CNTN5: variants seen among roughly 807,000 people sequenced by gnomAD.
CNTN5 encodes the protein contactin-5.
In CNTN5, 77 loss-of-function variants were observed where a neutral mutation model predicts 129.1. That is an observed-to-expected ratio of 0.60 (90% CI 0.50 to 0.72). CNTN5 has a LOEUF of 0.72. CNTN5 is among the 30% of genes least tolerant of loss of function. CNTN5 has a pLI of 0.00. For synonymous variants in CNTN5, 509 were observed against 465.6 expected (o/e 1.09, Z -1.20); for missense variants, 1,478 against 1,328.8 (o/e 1.11, Z -1.75).
rs372823653 is a variant in CNTN5 at position 100,099,764 on chromosome 11, C to T, written c.1580+25470C>T. On this transcript the variant is annotated intron_variant, in intron 13 of 24. Transcript: ENST00000524871. ...AGAATTCATCATTATCTCCTCTGAG[C>T]TCCTGGGAGACTTGGCCCATATTTT... Among the ~76,000 whole-genome samples the T allele has an allele frequency of 4.6e-5, 7 of 152,070 alleles. No homozygotes were observed. The East Asian group carries it at 1.2e-3, about 25-fold the overall frequency.
At chr11:99,259,949 CA>C (rs1169660561) in intron 1 of CNTN5, among the ~76,000 whole-genome samples, 1 of 151,648 alleles carries the variant, frequency 6.6e-6, no homozygotes, top group East Asian at 1.9e-4. Context: ...AACCTTTTAT[CA>C]TTTTTTCACT....
At chr11:99,858,017 C>T (rs1276187949) in intron 6 of CNTN5, among the ~76,000 whole-genome samples, 1 of 151,976 alleles carries the variant, frequency 6.6e-6, no homozygotes, top group Admixed American at 6.5e-5. Flanking sequence ...CCCAGTGCCA[C>T]TGCCATAATT....
intron 1 of CNTN5, among the ~76,000 whole-genome samples, chr11:99,257,397 G>A (rs911694791): frequency 2.0e-5 from 3 of 151,894 alleles, no homozygotes; most frequent in African/African-American, 4.8e-5. Flanking sequence ...TGTTTTTATT[G>A]CTCTTTTTAC....
intron 16 of CNTN5, among the ~76,000 whole-genome samples, chr11:100,230,804 C>G (rs1325105979): frequency 1.3e-5 from 2 of 152,188 alleles, no homozygotes; most frequent in Non-Finnish European, 2.9e-5. Context: ...CATTTTGAAA[C>G]AAATATTCTG....
chr11:100,093,389 T>A lies in CNTN5; in HGVS notation c.1580+19095T>A, dbSNP rs114486536. 6.9e-3 allele frequency among the ~76,000 whole-genome samples: 1,052 copies of A among 152,098 alleles called. 12 individuals carry two copies. Among genetic ancestry groups the A allele is most frequent in the African/African-American group, 0.024 (1,006 of 41,510 alleles). On this transcript the variant is annotated intron_variant, in intron 13 of 24. Coordinates refer to ENST00000524871, the MANE Select transcript of CNTN5 (RefSeq NM_014361.4). ...AATCCTCCATCCTCAGCCTCCTGAG[T>A]AGTGGGGACTACAGGTGTGTGCCAT... is the stretch of plus-strand genomic sequence containing the variant.
chr11:99,904,095 A>T (rs1373113463), intron 6 of CNTN5, among the ~76,000 whole-genome samples: 2 of 152,134 alleles, frequency 1.3e-5, no homozygotes, highest in African/African-American at 2.4e-5. Flanking sequence ...TATTGTATAT[A>T]GTTCTATCAT....
chr11:99,656,460 GGAAA>G (rs553834372), intron 3 of CNTN5, among the ~76,000 whole-genome samples: 339 of 152,182 alleles, frequency 2.2e-3, no homozygotes, highest in African/African-American at 7.4e-3. Context: ...AGGCGTAAGA[GGAAA>G]GAAAGCTAAA....
chr11:99,220,065 G>A (rs1268735553), intron 1 of CNTN5, among the ~76,000 whole-genome samples: 3 of 151,860 alleles, frequency 2.0e-5, no homozygotes, highest in African/African-American at 4.8e-5. Context: ...ACTCATTCCT[G>A]TCCTTTCCAG....
At chr11:99,097,880 A>T (rs1296920424) in intron 1 of CNTN5, among the ~76,000 whole-genome samples, 2 of 152,034 alleles carry the variant, frequency 1.3e-5, no homozygotes, top group Non-Finnish European at 2.9e-5. Context: ...TTTACATAGT[A>T]AGAAAAGTGG....
intron 8 of CNTN5, among the ~76,000 whole-genome samples, chr11:99,985,828 T>C (rs1938638310): frequency 6.6e-6 from 1 of 152,218 alleles, no homozygotes; most frequent in Non-Finnish European, 1.5e-5. Flanking sequence ...GTCAATGTCT[T>C]GGTGATAACC....
intron 21 of CNTN5, among the ~76,000 whole-genome samples, chr11:100,326,217 A>G (rs1205082733): frequency 2.6e-5 from 4 of 152,194 alleles, no homozygotes; most frequent in Non-Finnish European, 4.4e-5. Context: ...TTAAGATGTG[A>G]GAGAAAATGG....
chr11:99,615,588 T>C (rs1286760945), intron 3 of CNTN5, among the ~76,000 whole-genome samples: 1 of 152,118 alleles, frequency 6.6e-6, no homozygotes, highest in African/African-American at 2.4e-5. Context: ...TTGAAATAAT[T>C]AGGAATTCAC....
chr11:99,550,950 A>C (rs1459411771), intron 2 of CNTN5, among the ~76,000 whole-genome samples: 2 of 152,144 alleles, frequency 1.3e-5, no homozygotes, highest in South Asian at 2.1e-4. Context: ...ATTTGGCAAA[A>C]AGTTTGTTTA....
intron 2 of CNTN5, among the ~76,000 whole-genome samples, chr11:99,353,002 A>T (rs1369553383): frequency 6.6e-6 from 1 of 152,092 alleles, no homozygotes; most frequent in East Asian, 1.9e-4. Context: ...CCGGGCGGTG[A>T]ATCTCTTGTC....
In CNTN5 at chr11:99,249,835, T is replaced by G. The variant is rs1252484851; in HGVS notation, c.-209-75511T>G. Among the ~76,000 whole-genome samples the G allele has an allele frequency of 3.3e-5, 5 of 151,972 alleles. 1 individual carries two copies. On this transcript the variant is annotated intron_variant, in intron 1 of 24. Coordinates refer to ENST00000524871, the MANE Select transcript of CNTN5 (RefSeq NM_014361.4). ...TTCTTTAGTGTTGGTAAAATAACATTGCAAGTATATTGAGTATTAACTGTA... is the reference window on the plus strand; with the variant it reads ...TTCTTTAGTGTTGGTAAAATAACATGGCAAGTATATTGAGTATTAACTGTA...
chr11:99,402,060 A>G (rs1382282829), intron 2 of CNTN5, among the ~76,000 whole-genome samples: 1 of 152,086 alleles, frequency 6.6e-6, no homozygotes, highest in African/African-American at 2.4e-5. Flanking sequence ...CGCACTTTAT[A>G]TATTTCTTTT....
intron 1 of CNTN5, among the ~76,000 whole-genome samples, chr11:99,300,616 T>A (rs547588549): frequency 6.6e-6 from 1 of 152,208 alleles, no homozygotes; most frequent in Non-Finnish European, 1.5e-5. Context: ...TCAAAAATTT[T>A]GTATTCAGCC....
At chr11:99,293,973 C>CA (rs1369147192) in intron 1 of CNTN5, among the ~76,000 whole-genome samples, 1 of 149,882 alleles carries the variant, frequency 6.7e-6, no homozygotes, top group Non-Finnish European at 1.5e-5. Context: ...CATGTTATTG[C>CA]TTTTTTTTTA....
chr11:100,295,317 T>G (rs1265196490), intron 18 of CNTN5, among the ~76,000 whole-genome samples: 1 of 151,510 alleles, frequency 6.6e-6, no homozygotes, highest in Non-Finnish European at 1.5e-5. Context: ...GATCATTAGT[T>G]GAAATTTGAA....
Sources: gnomAD v4.1 joint callset for allele counts (sites outside exome capture counted in the v4.1 genomes callset) on GRCh38, gnomAD v4.1.1 for gene constraint, MANE v1.5 for transcripts, NCBI Gene and HGNC (gene_info 2026-07-23, HGNC 2026-07-21) for gene names.